DTHD1: variants seen among roughly 807,000 people sequenced by gnomAD.
The protein encoded by DTHD1 is death domain-containing protein 1.
In DTHD1, 59 loss-of-function variants were observed where a neutral mutation model predicts 74.8. The ratio of observed to expected loss-of-function variants is 0.79; its 90% CI spans 0.64 to 0.98. DTHD1 has a LOEUF of 0.98. DTHD1 is among the 50% of genes least tolerant of loss of function. The pLI, the probability that DTHD1 is intolerant of heterozygous loss-of-function variation, is 0.00. For synonymous variants in DTHD1, 365 were observed against 371.1 expected, an observed-to-expected ratio of 0.98 and a Z score of 0.19; for missense variants, 1,051 against 1,065.4, an observed-to-expected ratio of 0.99 and a Z score of 0.19.
chr4:36,341,657 GC>G (rs1304456984), intron 9 of DTHD1, among the ~76,000 whole-genome samples: 5 of 152,228 alleles, frequency 3.3e-5, no homozygotes, highest in African/African-American at 1.2e-4. Flanking sequence ...CTAACCTCAG[GC>G]AGCCCAGGTA....
intron 8 of DTHD1, among the ~76,000 whole-genome samples, chr4:36,318,517 C>G (rs1047506819): frequency 4.6e-5 from 7 of 152,068 alleles, no homozygotes; most frequent in Non-Finnish European, 1.0e-4. Context: ...ATTTATTAAG[C>G]CATTGATACT....
chr4:36,338,835 G>T (rs2109576122), intron 8 of DTHD1, among the ~76,000 whole-genome samples: 1 of 151,898 alleles, frequency 6.6e-6, no homozygotes, highest in East Asian at 1.9e-4. Context: ...AATTTTAGTT[G>T]GAAAAATGTT....
intron 7 of DTHD1, among the ~76,000 whole-genome samples, chr4:36,310,026 T>C (rs1249311465): frequency 6.6e-6 from 1 of 152,194 alleles, no homozygotes; most frequent in Non-Finnish European, 1.5e-5. Context: ...GCAAAGGACA[T>C]GATTTTGTTC....
intron 5 of DTHD1, among the ~76,000 whole-genome samples, chr4:36,298,197 T>C (rs1756557136): frequency 6.6e-6 from 1 of 151,042 alleles, no homozygotes; most frequent in Non-Finnish European, 1.5e-5. Flanking sequence ...TCAAGTGCTC[T>C]TTTTTTTGTG....
chr4:36,289,419 T>A (rs1755921827), intron 2 of DTHD1, among the ~76,000 whole-genome samples: 1 of 152,182 alleles, frequency 6.6e-6, no homozygotes, highest in African/African-American at 2.4e-5. Context: ...TGAGGAATTA[T>A]GATATTATAT....
At chr4:36,321,824 T>C (rs894010741) in intron 8 of DTHD1, among the ~76,000 whole-genome samples, 9 of 152,172 alleles carry the variant, frequency 5.9e-5, no homozygotes, top group African/African-American at 2.2e-4. Flanking sequence ...CTGTGTGAAC[T>C]TGGCCCTCAC....
chr4:36,312,746 G>A (rs1051166714), intron 7 of DTHD1, among the ~76,000 whole-genome samples: 1 of 152,218 alleles, frequency 6.6e-6, no homozygotes, highest in Admixed American at 6.5e-5. Context: ...GGATCAGAGG[G>A]AGTGAGCACA....
At chr4:36,312,684 C>A (rs1207920325) in intron 7 of DTHD1, among the ~76,000 whole-genome samples, 1 of 151,724 alleles carries the variant, frequency 6.6e-6, no homozygotes, top group Non-Finnish European at 1.5e-5. Context: ...ACACTGAACT[C>A]GGTGGCAACT....
In DTHD1 at chr4:36,345,314, A is replaced by G. The variant is rs551961910; in HGVS notation, c.*1490A>G. 1 of 152,142 alleles carries G rather than the reference A, an allele frequency of 6.6e-6. No individual in the cohort carries two copies. Among genetic ancestry groups the G allele is most frequent in the African/African-American group, 2.4e-5 (1 of 41,436 alleles). 9.4% of individuals were successfully genotyped at this position (152,142 alleles called of 1,614,324 possible). On this transcript the variant is annotated 3_prime_UTR_variant, in exon 10 of 10. Coordinates refer to ENST00000639862, the MANE Select transcript of DTHD1 (RefSeq NM_001170700.3). ...AAGCTTTGAGTTTTTGGAAAGCCTAACGCCCTTTAGCTCTCTGAAGCAGTT... is the reference window on the plus strand; with the variant it reads ...AAGCTTTGAGTTTTTGGAAAGCCTAGCGCCCTTTAGCTCTCTGAAGCAGTT...
chr4:36,295,223 A>G (rs1380746172), intron 5 of DTHD1, among the ~76,000 whole-genome samples, 184 bp downstream of exon 5: 2 of 152,138 alleles, frequency 1.3e-5, no homozygotes, highest in Non-Finnish European at 2.9e-5. Flanking sequence ...ATGGATCCCA[A>G]AATTCCTGCA....
Position 36,343,938 on chromosome 4 carries a change from T to C in DTHD1, c.*114T>C, listed in dbSNP as rs1759465879. The C allele has an allele frequency of 1.9e-5, 19 of 1,025,060 alleles. No individual in the cohort carries two copies. The highest frequency in any genetic ancestry group is 2.5e-5 in the Non-Finnish European group (18 of 723,610). 63.5% of individuals were successfully genotyped at this position (1,025,060 alleles called of 1,614,324 possible). A position where few individuals can be genotyped will look rare whatever the true frequency, so the allele number is the denominator to read the frequency against. ...TATTATTTGAAGTCAGTCTATTTAA[T>C]GATGTGCTATTTAATGATGTGAGAC... On this transcript the variant is annotated 3_prime_UTR_variant, in exon 10 of 10. Coordinates refer to ENST00000639862, the MANE Select transcript of DTHD1 (RefSeq NM_001170700.3).
intron 7 of DTHD1, among the ~76,000 whole-genome samples, chr4:36,312,784 T>A (rs750621857): frequency 5.3e-5 from 8 of 152,192 alleles, no homozygotes; most frequent in African/African-American, 1.4e-4. Context: ...TGAGAACTGA[T>A]CATGCCTTGT....
Position 36,343,412 on chromosome 4 carries a change from G to A in DTHD1, c.2399-90G>A, listed in dbSNP as rs1759428614. The A allele has an allele frequency of 4.5e-5, 56 of 1,252,868 alleles. 1 individual carries two copies. In the South Asian group the frequency reaches 8.7e-4, roughly 19 times the overall value. 77.6% of individuals were successfully genotyped at this position (1,252,868 alleles called of 1,614,324 possible). ...CTCCAAGGCCAAACAAAAGAGCAGGGAGACTTCCTATAAACAGGTGTGGAG... is the reference window on the plus strand; with the variant it reads ...CTCCAAGGCCAAACAAAAGAGCAGGAAGACTTCCTATAAACAGGTGTGGAG... On this transcript the variant is annotated intron_variant, in intron 9 of 9. Transcript: ENST00000639862.
At chr4:36,294,463 G>A (rs1756267361) in intron 4 of DTHD1, among the ~76,000 whole-genome samples, 1 of 151,890 alleles carries the variant, frequency 6.6e-6, no homozygotes, top group African/African-American at 2.4e-5. Context: ...AAGATCACTT[G>A]ATCTAACAAT....
chr4:36,295,453 A>G (rs977024576), intron 5 of DTHD1, among the ~76,000 whole-genome samples: 4 of 152,122 alleles, frequency 2.6e-5, no homozygotes, highest in African/African-American at 9.7e-5. Context: ...TAGAGTCAAG[A>G]AAGAGATTCA....
chr4:36,288,058 G>A (rs1755823144), intron 2 of DTHD1, among the ~76,000 whole-genome samples: 1 of 152,048 alleles, frequency 6.6e-6, no homozygotes, highest in African/African-American at 2.4e-5. Context: ...CTTTGCTTAA[G>A]CCTATGTCTA....
chr4:36,281,998 T>C lies in DTHD1; in HGVS notation c.240T>C (p.Leu80=). Residue 80 remains leucine (L), a synonymous_variant, in exon 1 of 10, where the codon CTT becomes CTC. Transcript: ENST00000639862. ...CCTGCCAGCAGCTGCATGTGCTGCT[T>C]GACAAAGAGAATCAATGTGTCTCGA... ...RSTCQQLHVL[L]DKENQCVSRK... The C allele has an allele frequency of 6.6e-7, 1 of 1,522,066 alleles. No individual in the cohort carries two copies. Among genetic ancestry groups the C allele is most frequent in the East Asian group, 2.5e-5 (1 of 40,160 alleles). The allele number at this position is 1,522,066 out of a possible 1,614,324, so 94.3% of individuals were successfully genotyped here. A position where few individuals can be genotyped will look rare whatever the true frequency, so the allele number is the denominator to read the frequency against.
chr4:36,294,708 A>G, intron 4 of DTHD1, 87 bp from the exon 5 acceptor site: 1 of 1,317,720 alleles, frequency 7.6e-7, no homozygotes, highest in Non-Finnish European at 1.0e-6. Flanking sequence ...TATGCTGCAT[A>G]GAATTTTCAA....
At chr4:36,286,879 A>ATTATAATT (rs1755745443) in intron 2 of DTHD1, among the ~76,000 whole-genome samples, 1 of 152,230 alleles carries the variant, frequency 6.6e-6, no homozygotes, top group Admixed American at 6.5e-5. Context: ...ATAATTTTTA[A>ATTATAATT]GACCACCATT....
Sources: allele counts gnomAD v4.1 joint callset (sites outside exome capture counted in the v4.1 genomes callset), GRCh38; gene constraint gnomAD v4.1.1; transcripts MANE v1.5; gene names NCBI Gene and HGNC (gene_info 2026-07-23, HGNC 2026-07-21).